The following DSCAML1 variants were observed in gnomAD, a reference collection of about 807,000 sequenced individuals.
DSCAML1 encodes cell adhesion molecule DSCAML1.
DSCAML1 carries 38 observed loss-of-function variants against 200.5 expected under a neutral mutation model. That is an observed-to-expected ratio of 0.19 (90% CI 0.15 to 0.25). The LOEUF (loss-of-function observed/expected upper bound fraction) is 0.25, where lower values mean the gene tolerates loss of function less well. DSCAML1 is among the 10% of genes least tolerant of loss of function. The pLI is 1.00. For missense variants in DSCAML1, 2,223 were observed against 2,858.8 expected, an observed-to-expected ratio of 0.78 and a Z score of 5.07; for synonymous variants, 1,215 against 1,165.0, an observed-to-expected ratio of 1.04 and a Z score of -0.87.
intron 3 of DSCAML1, among the ~76,000 whole-genome samples, chr11:117,589,404 C>A (rs926172525): frequency 6.6e-6 from 1 of 152,122 alleles, no homozygotes; most frequent in Non-Finnish European, 1.5e-5. Flanking sequence ...AGGCGGAACA[C>A]CCCCCTCCCA....
chr11:117,754,062 C>T (rs2054645468), intron 3 of DSCAML1, among the ~76,000 whole-genome samples: 1 of 152,170 alleles, frequency 6.6e-6, no homozygotes, highest in African/African-American at 2.4e-5. Context: ...TCCTGGGGTC[C>T]TTTCCCTTTA....
At chr11:117,438,154 C>A in intron 24 of DSCAML1, 71 bp from the exon 25 acceptor site, 2 of 1,456,212 alleles carry the variant, frequency 1.4e-6, no homozygotes, top group Non-Finnish European at 1.9e-6. Context: ...CCTCAGGTAC[C>A]CCAACAGGGG....
intron 1 of DSCAML1, among the ~76,000 whole-genome samples, chr11:117,807,630 T>A (rs1250461350): frequency 2.0e-5 from 3 of 152,164 alleles, no homozygotes; most frequent in African/African-American, 7.2e-5. Flanking sequence ...CAGAGTTGTT[T>A]AGCTAGAGAA....
chr11:117,499,066 T>G (rs2049347728), intron 11 of DSCAML1, among the ~76,000 whole-genome samples: 1 of 152,126 alleles, frequency 6.6e-6, no homozygotes, highest in African/African-American at 2.4e-5. Flanking sequence ...CAGCCAGCCT[T>G]CTTATGCCTG....
At chr11:117,781,448 C>A (rs747650734) in intron 1 of DSCAML1, among the ~76,000 whole-genome samples, 1 of 152,208 alleles carries the variant, frequency 6.6e-6, no homozygotes, top group Admixed American at 6.5e-5. Context: ...TATCATCCCA[C>A]AGACGAAAGT....
chr11:117,780,218 A>AAAGAAAG lies in DSCAML1; in HGVS notation c.364+274_364+275insCTTTCTT, dbSNP rs1392701288. ...AAGAAAGAGAAAGAAAGAGAGAGAG[A>AAAGAAAG]GAAAGAAAGAAAGGAAAGAAAGAAA... On this transcript the variant is annotated intron_variant, in intron 2 of 32. Transcript: ENST00000651296. This position sits in a 1 kb window ranked among gnomAD's most constrained non-coding sequence, Gnocchi z 4.8. Among the ~76,000 whole-genome samples the AAAGAAAG allele has an allele frequency of 1.0e-3, 19 of 18,160 alleles. No homozygotes were observed. Among genetic ancestry groups the AAAGAAAG allele is most frequent in the Non-Finnish European group, 2.6e-3 (16 of 6,214 alleles). 11.9% of individuals were successfully genotyped at this position (18,160 alleles called of 152,430 possible).
intron 3 of DSCAML1, among the ~76,000 whole-genome samples, chr11:117,716,997 CACCCCAGA>C (rs1246636286): frequency 7.3e-4 from 1 of 1,374 alleles, no homozygotes; most frequent in Admixed American, 0.028. Context: ...ATCCCAGATG[CACCCCAGA>C]TGCACCCCAG....
At chr11:117,457,385 G>GC (rs141747213) in intron 19 of DSCAML1, among the ~76,000 whole-genome samples, 185 of 152,276 alleles carry the variant, frequency 1.2e-3, no homozygotes, top group African/African-American at 4.1e-3. Context: ...CTCAGGCCTT[G>GC]CATCAGAATA....
intron 1 of DSCAML1, among the ~76,000 whole-genome samples, chr11:117,793,654 C>T (rs988117229): frequency 2.0e-5 from 3 of 152,154 alleles, no homozygotes; most frequent in African/African-American, 4.8e-5. Context: ...CCAAGCTCTC[C>T]CTGGGCCAAA....
At chr11:117,694,852 A>T (rs1565879143) in intron 3 of DSCAML1, among the ~76,000 whole-genome samples, 2 of 152,228 alleles carry the variant, frequency 1.3e-5, no homozygotes, top group Non-Finnish European at 2.9e-5. Flanking sequence ...AATAGTTAAT[A>T]TGAATAAAGC....
intron 3 of DSCAML1, among the ~76,000 whole-genome samples, chr11:117,719,560 G>A (rs1456128604): frequency 6.6e-6 from 1 of 152,220 alleles, no homozygotes. Context: ...TAATTCTCTA[G>A]TTAAGAGTTT....
At chr11:117,445,912 A>C (rs1181256574) in intron 20 of DSCAML1, among the ~76,000 whole-genome samples, 1 of 152,252 alleles carries the variant, frequency 6.6e-6, no homozygotes. Context: ...ATAAAGTTCC[A>C]GTGGATCAAA....
intron 3 of DSCAML1, among the ~76,000 whole-genome samples, chr11:117,672,784 A>G (rs2053137523): frequency 6.6e-6 from 1 of 152,254 alleles, no homozygotes; most frequent in Admixed American, 6.5e-5. Flanking sequence ...ACTGATTCAA[A>G]GACTCGGGGT....
chr11:117,529,912 C>A (rs765937346), intron 4 of DSCAML1, among the ~76,000 whole-genome samples: 1 of 152,014 alleles, frequency 6.6e-6, no homozygotes, highest in Non-Finnish European at 1.5e-5. Flanking sequence ...GCATTTTTGC[C>A]GAGACAAGCA....
At chr11:117,703,726 A>G (rs1480535783) in intron 3 of DSCAML1, among the ~76,000 whole-genome samples, 1 of 152,212 alleles carries the variant, frequency 6.6e-6, no homozygotes. Context: ...GTTACCCCAC[A>G]AGACTGTGGG....
intron 3 of DSCAML1, among the ~76,000 whole-genome samples, chr11:117,720,378 G>T (rs1160469642): frequency 1.3e-5 from 2 of 152,138 alleles, no homozygotes; most frequent in African/African-American, 4.8e-5. Context: ...CCGAGATGGA[G>T]TCAGACAGGC....
intron 3 of DSCAML1, among the ~76,000 whole-genome samples, chr11:117,731,144 T>C (rs1202435947): frequency 1.3e-5 from 2 of 152,068 alleles, no homozygotes; most frequent in Admixed American, 6.5e-5. Context: ...TATTGTATGG[T>C]ATGTGAATCT....
intron 3 of DSCAML1, among the ~76,000 whole-genome samples, chr11:117,711,644 A>G (rs1478440977): frequency 6.6e-6 from 1 of 152,116 alleles, no homozygotes; most frequent in Non-Finnish European, 1.5e-5. Flanking sequence ...TTACTCAAAT[A>G]TCTGCAATTC....
At chr11:117,732,659 C>T (rs2054243136) in intron 3 of DSCAML1, among the ~76,000 whole-genome samples, 1 of 152,160 alleles carries the variant, frequency 6.6e-6, no homozygotes, top group Non-Finnish European at 1.5e-5. Flanking sequence ...GACCAGGCTG[C>T]TGTCACTTCT....
Sources: allele counts gnomAD v4.1 joint callset (sites outside exome capture counted in the v4.1 genomes callset), GRCh38; gene constraint gnomAD v4.1.1; non-coding constraint Gnocchi (gnomAD v3.1); transcripts MANE v1.5; gene names NCBI Gene and HGNC (gene_info 2026-07-23, HGNC 2026-07-21).